The following RHOU variants were observed in gnomAD, a reference collection of about 807,000 sequenced individuals.
RHOU encodes rho-related GTP-binding protein RhoU.
A neutral mutation model predicts 12.6 loss-of-function variants in RHOU; 8 were observed. That is an observed-to-expected ratio of 0.64 (90% confidence interval 0.37 to 1.15). The LOEUF is 1.15. RHOU is among the 50% of genes most tolerant of loss of function. The pLI is 0.01. For missense variants in RHOU, 258 were observed against 347.0 expected, an observed-to-expected ratio of 0.74 and a Z score of 2.04; for synonymous variants, 161 against 147.4, an observed-to-expected ratio of 1.09 and a Z score of -0.67.
the RHOU span, among the ~76,000 whole-genome samples, chr1:228,716,986 A>T: frequency 0.026 from 4,020 of 152,138 alleles, 192 homozygotes; most frequent in African/African-American, 0.091. Context: ...CTCTCCAGGG[A>T]TTAGAAAGTT....
chr1:228,682,709 A>G, the RHOU span, among the ~76,000 whole-genome samples: 1 of 152,232 alleles, frequency 6.6e-6, no homozygotes, highest in Non-Finnish European at 1.5e-5. Context: ...AGGAAAAGGC[A>G]GATCAATAGA....
rs6667487 is a variant in RHOU, at chr1:228,738,331, T to C, written c.321+600T>C. Among the ~76,000 whole-genome samples the C allele has an allele frequency of 0.49, 74,772 of 152,048 alleles. 20,081 individuals carry two copies. The highest frequency in any genetic ancestry group is 0.73 in the African/African-American group (30,226 of 41,466). On this transcript the variant is annotated intron_variant, in intron 2 of 2. Coordinates refer to ENST00000366691, the MANE Select transcript of RHOU (RefSeq NM_021205.6). This position sits in a 1 kb window ranked among gnomAD's most constrained non-coding sequence, Gnocchi z 4.2. ...GAACGCTGGTTCTTGTCTCGAGGGC[T>C]GGGCCCTTGGAGGAAATAGCCAGGG...
At chr1:228,705,199 A>G in the RHOU span, among the ~76,000 whole-genome samples, 2 of 151,952 alleles carry the variant, frequency 1.3e-5, no homozygotes, top group South Asian at 2.1e-4. Flanking sequence ...CTTCTTTAGG[A>G]GCCCTCATTT....
At chr1:228,687,505 G>A in the RHOU span, 31 of 1,581,826 alleles carry the variant, frequency 2.0e-5, no homozygotes, top group South Asian at 6.6e-5. Flanking sequence ...CAGAACCAAC[G>A]AGGTGGCCGA....
the RHOU span, among the ~76,000 whole-genome samples, chr1:228,691,548 T>C: frequency 6.6e-6 from 1 of 152,136 alleles, no homozygotes; most frequent in African/African-American, 2.4e-5. Context: ...CTTTCATGCA[T>C]TTAAGGTTCT....
the RHOU span, chr1:228,687,590 A>G: frequency 6.4e-7 from 1 of 1,562,042 alleles, no homozygotes; most frequent in Non-Finnish European, 8.7e-7. Context: ...AGTGTGCATT[A>G]CATTTGGAAA....
the RHOU span, among the ~76,000 whole-genome samples, chr1:228,707,255 AGTGTGTGTGTGTGTGTGTGTGT>A: frequency 2.5e-5 from 1 of 40,710 alleles, no homozygotes; most frequent in Non-Finnish European, 4.5e-5. Flanking sequence ...ATATATATAT[AGTGTGTGTGTGTGTGTGTGTGT>A]GTGTGTGTGT....
the RHOU span, among the ~76,000 whole-genome samples, chr1:228,710,374 C>A: frequency 1.2e-4 from 18 of 152,082 alleles, no homozygotes; most frequent in African/African-American, 4.3e-4. Flanking sequence ...GAATTTTAGA[C>A]CAATATCCTT....
At chr1:228,665,245 T>C in the RHOU span, among the ~76,000 whole-genome samples, 1 of 152,226 alleles carries the variant, frequency 6.6e-6, no homozygotes, top group African/African-American at 2.4e-5. Flanking sequence ...TACTTTAATC[T>C]TTATGATAAC....
chr1:228,726,619 C>T, the RHOU span, among the ~76,000 whole-genome samples: 22 of 150,054 alleles, frequency 1.5e-4, 1 homozygote, highest in South Asian at 3.0e-3. Flanking sequence ...GAGCTGAGAT[C>T]GTGCCACTGC....
At chr1:228,690,829 G>A in the RHOU span, among the ~76,000 whole-genome samples, 1 of 151,822 alleles carries the variant, frequency 6.6e-6, no homozygotes, top group Admixed American at 6.6e-5. Flanking sequence ...TGTTGGGCAG[G>A]CTGGTCTCGA....
At chr1:228,684,228 G>T in the RHOU span, among the ~76,000 whole-genome samples, 35 of 152,130 alleles carry the variant, frequency 2.3e-4, no homozygotes, top group East Asian at 5.1e-3. Flanking sequence ...GTAGCGATAG[G>T]GTTTCACCCT....
intron 1 of RHOU, 152 bp downstream of exon 1, chr1:228,736,156 C>G: frequency 2.7e-6 from 2 of 731,922 alleles, no homozygotes; most frequent in South Asian, 2.1e-5. Flanking sequence ...GAGTGCAGGA[C>G]GTTTCCTGAG....
chr1:228,732,835 T>A (rs987596050), upstream of RHOU, among the ~76,000 whole-genome samples: 3 of 151,928 alleles, frequency 2.0e-5, no homozygotes, highest in Admixed American at 6.6e-5. Flanking sequence ...GAAAAAAAAA[T>A]ACAAAATTAA....
At chr1:228,666,889 A>G in the RHOU span, among the ~76,000 whole-genome samples, 1 of 152,222 alleles carries the variant, frequency 6.6e-6, no homozygotes. Context: ...GTTTTGTGGA[A>G]TGTAACTCAG....
chr1:228,722,917 G>C, the RHOU span, among the ~76,000 whole-genome samples: 2 of 152,064 alleles, frequency 1.3e-5, no homozygotes, highest in Non-Finnish European at 2.9e-5. Context: ...CACCATTCCC[G>C]GCCCCGGCCT....
the RHOU span, among the ~76,000 whole-genome samples, chr1:228,686,772 C>T: frequency 6.6e-6 from 1 of 151,772 alleles, no homozygotes; most frequent in African/African-American, 2.4e-5. Context: ...AGGGAGTCTT[C>T]CTCTGTCTCT....
At chr1:228,676,138 C>CA in the RHOU span, among the ~76,000 whole-genome samples, 1 of 150,828 alleles carries the variant, frequency 6.6e-6, no homozygotes, top group African/African-American at 2.5e-5. Context: ...ACCGCCCCCC[C>CA]CCTTTTTTTT....
the RHOU span, among the ~76,000 whole-genome samples, chr1:228,712,065 A>G: frequency 3.3e-5 from 5 of 149,476 alleles, no homozygotes; most frequent in Admixed American, 2.0e-4. Flanking sequence ...AAAAATGCTC[A>G]CCATCACTGG....
Sources: gnomAD v4.1 joint callset for allele counts (sites outside exome capture counted in the v4.1 genomes callset) on GRCh38, gnomAD v4.1.1 for gene constraint, Gnocchi (gnomAD v3.1) non-coding constraint, MANE v1.5 for transcripts, NCBI Gene and HGNC (gene_info 2026-07-23, HGNC 2026-07-21) for gene names.